The following COL4A2 variants were observed in gnomAD, a reference collection of about 807,000 sequenced individuals.
COL4A2 encodes collagen alpha-2(IV) chain.
In COL4A2, 99 loss-of-function variants were observed where a neutral mutation model predicts 200.2. That is an observed-to-expected ratio of 0.49 (90% CI 0.42 to 0.58). The LOEUF (loss-of-function observed/expected upper bound fraction) is 0.58, where lower values mean the gene tolerates loss of function less well. COL4A2 is among the 20% of genes least tolerant of loss of function. The pLI is 0.00. For synonymous variants in COL4A2, 897 were observed against 900.6 expected (o/e 1.00, Z 0.07); for missense variants, 1,950 against 2,314.1 (o/e 0.84, Z 3.23).
At chr13:110,459,248 A>T (rs1415719264) in intron 22 of COL4A2, 2 of 276,888 alleles carry the variant, frequency 7.2e-6, no homozygotes, top group Non-Finnish European at 1.4e-5. Flanking sequence ...GCACGTGTCC[A>T]CACAAACACA....
Position 110,489,791 on chromosome 13 carries a change from C to T in COL4A2, c.3346+6C>T. The T allele has an allele frequency of 6.2e-7, 1 of 1,603,962 alleles. No individual in the cohort carries two copies. The highest frequency in any genetic ancestry group is 8.5e-7 in the Non-Finnish European group (1 of 1,175,838). On this transcript the variant is annotated splice_donor_region_variant and intron_variant, in intron 36 of 47. Coordinates refer to ENST00000360467, the MANE Select transcript of COL4A2 (RefSeq NM_001846.4). ...GGGCACCACTGGAATACCAGGTACG[C>T]AAGTTATTTTCCTTGTCTTCATCTT...
intron 17 of COL4A2, 52 bp from the exon 18 acceptor site, chr13:110,446,746 A>G: frequency 1.3e-6 from 2 of 1,525,800 alleles, no homozygotes; most frequent in South Asian, 1.1e-5. Context: ...TGTACTGTCA[A>G]AAACTCCAAA....
At chr13:110,385,519 TGGTTACAGTGCGTGGATAGGCC>T (rs1482875862) in intron 4 of COL4A2, among the ~76,000 whole-genome samples, 9,429 of 142,242 alleles carry the variant, frequency 0.066, 2,041 homozygotes, top group Admixed American at 0.076. Context: ...GGATAGGCCG[TGGTTACAGTGCGTGGATAGGCC>T]GTGGTTGCAG....
rs1883708864 is a variant in COL4A2 at position 110,503,130 on chromosome 13, G to T, written c.3887G>T (p.Gly1296Val). ...TCCCTAATGCCAACAGGTTATCGGGGCCCACCAGGGCCACCAGGTTCTGCT... is the reference window on the plus strand; with the variant it reads ...TCCCTAATGCCAACAGGTTATCGGGTCCCACCAGGGCCACCAGGTTCTGCT... ...PGIFGLKGYR[G>V]PPGPPGSAAL... Residue 1296 changes from glycine (G) to valine (V), a missense_variant, in exon 42 of 48, where the codon GGC (glycine) becomes GTC (valine). Around this residue, in one of 2 missense-constraint regions of COL4A2, gnomAD observed 1,385 missense variants for 1,720.5 expected, o/e 0.80. Coordinates refer to ENST00000360467, the MANE Select transcript of COL4A2 (RefSeq NM_001846.4). 6.2e-7 allele frequency: 1 copy of T among 1,613,452 alleles called. No individual in the cohort carries two copies. Among genetic ancestry groups the T allele is most frequent in the African/African-American group, 1.3e-5 (1 of 74,864 alleles).
At chr13:110,318,244 C>A (rs1366381033) in intron 3 of COL4A2, among the ~76,000 whole-genome samples, 1 of 152,168 alleles carries the variant, frequency 6.6e-6, no homozygotes, top group Non-Finnish European at 1.5e-5. Context: ...TTCTAGAACA[C>A]CATGGACTCG....
intron 18 of COL4A2, among the ~76,000 whole-genome samples, chr13:110,448,588 A>G (rs1881413481): frequency 6.6e-6 from 1 of 152,268 alleles, no homozygotes. Context: ...ACTTGTCAAA[A>G]GACAAAAAGG....
intron 3 of COL4A2, among the ~76,000 whole-genome samples, chr13:110,332,959 G>A (rs1875995536): frequency 6.6e-6 from 1 of 152,234 alleles, no homozygotes; most frequent in Non-Finnish European, 1.5e-5. Context: ...CTCTGAGTCA[G>A]CAAGAAGTGG....
rs888187758 is a variant in COL4A2, at chr13:110,485,746, C to T, written c.3117C>T (p.Ile1039=). ...PGHIKGVKGD[I]GVPGIPGLPG... is the part of the protein sequence containing the mutation. ...ACATCAAAGGAGTCAAGGGAGACAT[C>T]GGAGTCCCCGGCATCCCCGGTTTGC... Residue 1039 remains isoleucine, a synonymous_variant, in exon 34 of 48, where the codon ATC becomes ATT. Coordinates refer to ENST00000360467, the MANE Select transcript of COL4A2 (RefSeq NM_001846.4). The T allele has an allele frequency of 6.8e-6, 11 of 1,613,724 alleles. No homozygotes were observed. Among genetic ancestry groups the T allele is most frequent in the South Asian group, 1.1e-5 (1 of 91,084 alleles).
Position 110,462,343 on chromosome 13 carries a change from C to G in COL4A2, c.1735C>G (p.Arg579Gly). 1 of 1,614,030 alleles carries G rather than the reference C, an allele frequency of 6.2e-7. No individual in the cohort carries two copies. The highest frequency in any genetic ancestry group is 8.5e-7 in the Non-Finnish European group (1 of 1,180,046). The change falls in exon 24 of 48, where the codon CGC (arginine) becomes GGC (glycine). Residue 579 changes from arginine to glycine, a missense_variant. Coordinates refer to ENST00000360467, the MANE Select transcript of COL4A2 (RefSeq NM_001846.4). ...GAAAGGTGACGATGGCAGCCCAGGC[C>G]GCGATGGGCTCGATGGATTCCCCGG... ...GMKGDDGSPGRDGLDGFPGLP... is the reference protein window; with the variant it reads ...GMKGDDGSPGGDGLDGFPGLP...
At chr13:110,387,576 G>C (rs966796195) in intron 4 of COL4A2, among the ~76,000 whole-genome samples, 1 of 152,244 alleles carries the variant, frequency 6.6e-6, no homozygotes, top group African/African-American at 2.4e-5. Context: ...GCAGTCGGGG[G>C]CCCCGAGCTG....
At chr13:110,466,198 A>G (rs901299028) in intron 26 of COL4A2, 136 bp downstream of exon 26, 1 of 1,048,948 alleles carries the variant, frequency 9.5e-7, no homozygotes, top group Non-Finnish European at 1.4e-6. Flanking sequence ...ATGGCACAAC[A>G]TAGTGGCCTG....
rs985862305 is a variant in COL4A2, at chr13:110,461,919, T to G, written c.1597-195T>G. The G allele has an allele frequency of 4.3e-6, 3 of 696,012 alleles. No individual in the cohort carries two copies. The African/African-American group carries it at 5.4e-5, about 13-fold the overall frequency. 43.1% of individuals were successfully genotyped at this position (696,012 alleles called of 1,614,324 possible). On this transcript the variant is annotated intron_variant, in intron 22 of 47. Coordinates refer to ENST00000360467, the MANE Select transcript of COL4A2 (RefSeq NM_001846.4). ...CGCAGTTCCAGTGCTCCACAGCCAC[T>G]GTGGCCAGTGGCCCCACACTGGACA...
intron 33 of COL4A2, 54 bp downstream of exon 33, chr13:110,485,081 C>T: frequency 6.1e-6 from 9 of 1,472,748 alleles, no homozygotes; most frequent in Non-Finnish European, 7.3e-6. Flanking sequence ...CCCCAGCCCG[C>T]ACCAGCTCGT....
At chr13:110,439,966 C>A in intron 16 of COL4A2, 133 bp downstream of exon 16, 1 of 1,348,300 alleles carries the variant, frequency 7.4e-7, no homozygotes, top group Non-Finnish European at 1.0e-6. Context: ...CTTGTATTTG[C>A]AGTCACAAAG....
intron 43 of COL4A2, 146 bp downstream of exon 43, chr13:110,503,627 C>T (rs1170355301): frequency 2.8e-6 from 2 of 716,234 alleles, no homozygotes; most frequent in Non-Finnish European, 4.7e-6. Flanking sequence ...GGCTGTGCCT[C>T]GGATGTTGTC....
chr13:110,462,482 A>C (rs532970219), intron 24 of COL4A2, 98 bp downstream of exon 24: 4 of 1,191,466 alleles, frequency 3.4e-6, no homozygotes, highest in East Asian at 5.0e-5. Flanking sequence ...TGAGCACTAA[A>C]CCAACCTGTG....
At chr13:110,349,250 C>T (rs1876846652) in intron 3 of COL4A2, among the ~76,000 whole-genome samples, 1 of 152,190 alleles carries the variant, frequency 6.6e-6, no homozygotes, top group South Asian at 2.1e-4. Context: ...ACCAATCTGC[C>T]ATGGAGAGAA....
At chr13:110,362,295 G>A (rs1007910058) in intron 4 of COL4A2, among the ~76,000 whole-genome samples, 3 of 152,160 alleles carry the variant, frequency 2.0e-5, no homozygotes, top group Admixed American at 6.5e-5. Flanking sequence ...TAAATGATAA[G>A]TTCGATTCAT....
chr13:110,337,143 A>C (rs1021360522), intron 3 of COL4A2, among the ~76,000 whole-genome samples: 1 of 152,240 alleles, frequency 6.6e-6, no homozygotes, highest in Non-Finnish European at 1.5e-5. Flanking sequence ...CACTGCATTC[A>C]ATCCGTAAGC....
Sources: gnomAD v4.1 joint callset for allele counts (sites outside exome capture counted in the v4.1 genomes callset) on GRCh38, gnomAD v4.1.1 for gene constraint, gnomAD v4.1.1 regional missense constraint, MANE v1.5 for transcripts, NCBI Gene and HGNC (gene_info 2026-07-23, HGNC 2026-07-21) for gene names.